CTNNA2: variants seen among roughly 807,000 people sequenced by gnomAD.
The protein encoded by CTNNA2 is catenin alpha-2.
CTNNA2 carries 42 observed loss-of-function variants against 101.0 expected under a neutral mutation model. The observed-to-expected ratio is 0.42, with a 90% CI of 0.32 to 0.54. The LOEUF (loss-of-function observed/expected upper bound fraction) is 0.54. CTNNA2 is among the 20% of genes least tolerant of loss of function. The pLI, the probability that CTNNA2 is intolerant of heterozygous loss-of-function variation, is 0.14. For synonymous variants in CTNNA2, 450 were observed against 456.4 expected (o/e 0.99, Z 0.18); for missense variants, 871 against 1,223.1 (o/e 0.71, Z 4.29).
intron 7 of CTNNA2, among the ~76,000 whole-genome samples, chr2:80,085,246 C>T (rs1027478116): frequency 6.6e-6 from 1 of 152,008 alleles, no homozygotes; most frequent in African/African-American, 2.4e-5. Flanking sequence ...AGTCTTATGT[C>T]CTCAACTCAT....
intron 9 of CTNNA2, among the ~76,000 whole-genome samples, chr2:80,444,933 C>T (rs1357286197): frequency 6.6e-6 from 1 of 152,100 alleles, no homozygotes; most frequent in Admixed American, 6.5e-5. Context: ...CCTGGCCTCT[C>T]CTCACTAGAT....
chr2:79,554,418 G>A (rs185299078), intron 1 of CTNNA2, among the ~76,000 whole-genome samples: 2 of 151,946 alleles, frequency 1.3e-5, no homozygotes. Flanking sequence ...ATTATGAGAG[G>A]ACATATGCTA....
At chr2:79,375,737 A>G (rs968455370) in intron 4 of CTNNA2, among the ~76,000 whole-genome samples, 1 of 152,196 alleles carries the variant, frequency 6.6e-6, no homozygotes, top group Non-Finnish European at 1.5e-5. Context: ...TTGAGCTTCT[A>G]ATTTTTTAAA....
chr2:79,834,743 A>G (rs1017319161), intron 3 of CTNNA2, among the ~76,000 whole-genome samples: 5 of 136,944 alleles, frequency 3.7e-5, no homozygotes, highest in Admixed American at 7.8e-5. Context: ...ATTGATCTTT[A>G]TTGTATATGT....
chr2:79,464,348 G>T (rs1484214259), intron 4 of CTNNA2, among the ~76,000 whole-genome samples: 1 of 152,146 alleles, frequency 6.6e-6, no homozygotes, highest in Admixed American at 6.6e-5. Context: ...ATTCCATGGT[G>T]TATATATGCC....
chr2:79,881,878 G>A (rs1683459049), intron 6 of CTNNA2, among the ~76,000 whole-genome samples: 1 of 149,230 alleles, frequency 6.7e-6, no homozygotes, highest in Admixed American at 6.8e-5. Context: ...TTGCACACTA[G>A]ATGATACAGT....
intron 2 of CTNNA2, among the ~76,000 whole-genome samples, chr2:79,741,047 G>A (rs1302604349): frequency 6.6e-6 from 1 of 151,074 alleles, no homozygotes; most frequent in East Asian, 1.9e-4. Context: ...GGCATGCATT[G>A]TCATAGGGTG....
intron 6 of CTNNA2, among the ~76,000 whole-genome samples, chr2:79,878,573 G>A (rs1427208226): frequency 1.3e-5 from 2 of 152,080 alleles, no homozygotes; most frequent in Non-Finnish European, 2.9e-5. Flanking sequence ...ATTTGCATTT[G>A]TCTAATGATG....
chr2:79,447,358 A>C (rs1678845156), intron 4 of CTNNA2, among the ~76,000 whole-genome samples: 1 of 152,026 alleles, frequency 6.6e-6, no homozygotes, highest in South Asian at 2.1e-4. Flanking sequence ...AAAAATCGAC[A>C]TTCATTTCTG....
At chr2:79,507,624 A>C (rs1671442280) in intron 5 of CTNNA2, among the ~76,000 whole-genome samples, 1 of 152,224 alleles carries the variant, frequency 6.6e-6, no homozygotes, top group African/African-American at 2.4e-5. Context: ...ATAGAAGCAA[A>C]AAACAGACTA....
intron 7 of CTNNA2, among the ~76,000 whole-genome samples, chr2:80,324,823 A>C (rs1476256370): frequency 6.6e-6 from 1 of 152,000 alleles, no homozygotes; most frequent in Admixed American, 6.6e-5. Context: ...TGTTTTATGA[A>C]TGCCCTTCCT....
intron 7 of CTNNA2, among the ~76,000 whole-genome samples, chr2:80,221,422 C>T (rs888279371): frequency 6.6e-6 from 1 of 152,148 alleles, no homozygotes; most frequent in African/African-American, 2.4e-5. Context: ...AAAGAAATCC[C>T]ATTTCTTACA....
At chr2:79,415,662 G>A (rs1678471344) in intron 4 of CTNNA2, among the ~76,000 whole-genome samples, 2 of 152,060 alleles carry the variant, frequency 1.3e-5, no homozygotes. Flanking sequence ...GCTTCTTATT[G>A]AAGAAATCCT....
chr2:79,194,613 T>C (rs1463229860), intron 1 of CTNNA2, among the ~76,000 whole-genome samples: 5 of 152,184 alleles, frequency 3.3e-5, no homozygotes, highest in African/African-American at 1.2e-4. Context: ...GGCTTCTCTG[T>C]AGTTCATTGC....
At chr2:80,230,324 G>A (rs2149072436) in intron 7 of CTNNA2, among the ~76,000 whole-genome samples, 1 of 141,614 alleles carries the variant, frequency 7.1e-6, no homozygotes. Context: ...TTGAACTCCT[G>A]GCCTCAAGCA....
intron 2 of CTNNA2, among the ~76,000 whole-genome samples, chr2:79,270,281 C>T (rs928572780): frequency 1.3e-5 from 2 of 152,096 alleles, no homozygotes; most frequent in African/African-American, 2.4e-5. Context: ...CAATGCCAAA[C>T]TCTTAGGAAC....
At chr2:80,071,310 T>G (rs140607944) in intron 7 of CTNNA2, among the ~76,000 whole-genome samples, 1 of 152,356 alleles carries the variant, frequency 6.6e-6, no homozygotes, top group African/African-American at 2.4e-5. Flanking sequence ...AAAGTTTTGC[T>G]GAAATATACC....
rs150188240 is a variant in CTNNA2, at chr2:79,381,012, G to A, written c.-135+6999G>A. Among the ~76,000 whole-genome samples the A allele has an allele frequency of 3.1e-3, 468 of 152,254 alleles. 3 individuals carry two copies. Among genetic ancestry groups the A allele is most frequent in the Middle Eastern group, 0.01 (3 of 294 alleles). On this transcript the variant is annotated intron_variant, in intron 4 of 21. Coordinates refer to the CTNNA2 transcript ENST00000466387. ...AGAAAACAGGTAAGCACTGAAGTTC[G>A]TTGATCCCTACAGGATGATTTTCTT...
At chr2:79,803,074 C>T (rs774404000) in intron 3 of CTNNA2, among the ~76,000 whole-genome samples, 2 of 152,124 alleles carry the variant, frequency 1.3e-5, no homozygotes, top group Non-Finnish European at 2.9e-5. Flanking sequence ...TTTGCACTAG[C>T]CTTTCATGAC....
Sources: allele counts gnomAD v4.1 joint callset (sites outside exome capture counted in the v4.1 genomes callset), GRCh38; gene constraint gnomAD v4.1.1; transcripts MANE v1.5; gene names NCBI Gene and HGNC (gene_info 2026-07-23, HGNC 2026-07-21).